Variants in IL18R1 observed in about 807,000 individuals in gnomAD.
The protein encoded by IL18R1 is interleukin-18 receptor 1.
Under a neutral mutation model 48.5 loss-of-function variants are expected in IL18R1, and 40 were observed. The ratio of observed to expected loss-of-function variants is 0.82; its 90% CI spans 0.64 to 1.07. IL18R1 has a LOEUF of 1.07. Ranked by LOEUF, IL18R1 falls within the 50% of genes least tolerant of loss-of-function variation. The pLI, the probability that IL18R1 is intolerant of heterozygous loss-of-function variation, is 0.00. For missense variants in IL18R1, 596 were observed against 633.7 expected (o/e 0.94, Z 0.64); for synonymous variants, 232 against 225.9 (o/e 1.03, Z -0.24).
intron 2 of IL18R1, among the ~76,000 whole-genome samples, chr2:102,363,078 TA>T (rs1559617205): frequency 6.6e-6 from 1 of 151,950 alleles, no homozygotes; most frequent in South Asian, 2.1e-4. Flanking sequence ...TTAGACAGCT[TA>T]AAAAAATTAG....
At chr2:102,367,322 C>T (rs1349610118) in intron 2 of IL18R1, among the ~76,000 whole-genome samples, 2 of 152,194 alleles carry the variant, frequency 1.3e-5, no homozygotes, top group Admixed American at 6.5e-5. Context: ...CATCCCCACA[C>T]TTACCAGGGA....
In IL18R1 at chr2:102,385,834, G is replaced by C. The variant is rs530832386; in HGVS notation, c.809+836G>C. On this transcript the variant is annotated intron_variant, in intron 7 of 10. Transcript: ENST00000233957. ...CATCCTCAGCCACTGGCCTCCATTT[G>C]AGTTTTGTATTTCTCCCTTTGGATA... Among the ~76,000 whole-genome samples, 4 of 152,280 alleles carry C rather than the reference G, an allele frequency of 2.6e-5. No individual in the cohort carries two copies. The South Asian group carries it at 8.3e-4, about 32-fold the overall frequency.
In IL18R1 at chr2:102,372,136, T is replaced by C. The variant is rs745445571; in HGVS notation, c.468+18T>C. 16 of 1,549,380 alleles carry C rather than the reference T, an allele frequency of 1.0e-5. No homozygotes were observed. The East Asian group carries it at 3.7e-4, about 36-fold the overall frequency. ...TGTATAAGGTAATGCTTTTATAATATTTTAACTTTAAGACTTGATGGAAAA... is the reference window on the plus strand; with the variant it reads ...TGTATAAGGTAATGCTTTTATAATACTTTAACTTTAAGACTTGATGGAAAA... On this transcript the variant is annotated intron_variant, in intron 4 of 10. Transcript: ENST00000233957.
intron 7 of IL18R1, among the ~76,000 whole-genome samples, chr2:102,385,244 A>G (rs974997616): frequency 6.6e-6 from 1 of 152,224 alleles, no homozygotes. Flanking sequence ...GGTATTTAGC[A>G]TCACCTTATA....
intron 8 of IL18R1, among the ~76,000 whole-genome samples, chr2:102,387,583 G>T (rs1680313787): frequency 1.3e-5 from 2 of 152,204 alleles, no homozygotes; most frequent in African/African-American, 4.8e-5. Flanking sequence ...ACAGCCCAGG[G>T]CCTTCAGCCC....
chr2:102,395,209 T>C (rs1680757256), intron 10 of IL18R1, among the ~76,000 whole-genome samples: 1 of 152,138 alleles, frequency 6.6e-6, no homozygotes, highest in Non-Finnish European at 1.5e-5. Context: ...GGAATACAAA[T>C]GGCCATAGTG....
intron 5 of IL18R1, among the ~76,000 whole-genome samples, chr2:102,380,941 G>T (rs1679883787): frequency 6.6e-6 from 1 of 152,296 alleles, no homozygotes; most frequent in South Asian, 2.1e-4. Context: ...CTGCTCTTAG[G>T]GTTTGCAGTT....
In IL18R1 at chr2:102,396,843, G is replaced by C; in HGVS notation, c.1583G>C (p.Gly528Ala). The C allele has an allele frequency of 6.2e-7, 1 of 1,605,610 alleles. No homozygotes were observed. Among genetic ancestry groups the C allele is most frequent in the Non-Finnish European group, 8.5e-7 (1 of 1,177,730 alleles). Residue 528 changes from glycine to alanine, a missense_variant, in exon 11 of 11, where the codon GGT becomes GCT. Coordinates refer to ENST00000233957, the MANE Select transcript of IL18R1 (RefSeq NM_003855.5). The stretch of plus-strand genomic sequence containing the variant: ...ATGCCTGCAAAAACAGTCAAGCCAG[G>C]TAGAGACGAACCGGAAGTCTTGCCT... ...YLMPAKTVKP[G>A]RDEPEVLPVL...
At chr2:102,383,802 T>C (rs1233689360) in intron 6 of IL18R1, among the ~76,000 whole-genome samples, 1 of 152,236 alleles carries the variant, frequency 6.6e-6, no homozygotes, top group African/African-American at 2.4e-5. Flanking sequence ...ATACAAATAT[T>C]CAATTTATTC....
At chr2:102,372,766 G>T (rs1418408506) in intron 4 of IL18R1, among the ~76,000 whole-genome samples, 1 of 151,930 alleles carries the variant, frequency 6.6e-6, no homozygotes, top group Non-Finnish European at 1.5e-5. Flanking sequence ...TAACCCCCTT[G>T]TTTCGTCTAA....
chr2:102,363,686 CA>C (rs11465571), intron 2 of IL18R1, among the ~76,000 whole-genome samples: 19,158 of 152,138 alleles, frequency 0.13, 1,516 homozygotes, highest in African/African-American at 0.21. Context: ...GCCAGTTGTG[CA>C]AAGTTGCCAA....
At chr2:102,377,401 G>A (rs1418442160) in intron 5 of IL18R1, among the ~76,000 whole-genome samples, 7 of 152,116 alleles carry the variant, frequency 4.6e-5, no homozygotes, top group African/African-American at 9.7e-5. Flanking sequence ...TGCAAGCTCC[G>A]CCTCCTGGGT....
At chr2:102,395,838 T>C (rs1680794442) in intron 10 of IL18R1, among the ~76,000 whole-genome samples, 1 of 152,216 alleles carries the variant, frequency 6.6e-6, no homozygotes. Flanking sequence ...ACGGGTTCCA[T>C]CACACCTGCA....
At chr2:102,363,319 G>T (rs935292507) in intron 2 of IL18R1, among the ~76,000 whole-genome samples, 2 of 151,918 alleles carry the variant, frequency 1.3e-5, no homozygotes, top group African/African-American at 2.4e-5. Context: ...AATTTGCCTT[G>T]ATCTATTATC....
Position 102,396,940 on chromosome 2 carries a change from A to C in IL18R1, c.*54A>C, listed in dbSNP as rs1680859098. 1 of 1,060,802 alleles carries C rather than the reference A, an allele frequency of 9.4e-7. No homozygotes were observed. The highest frequency in any genetic ancestry group is 1.5e-5 in the South Asian group (1 of 64,752). 65.7% of individuals were successfully genotyped at this position (1,060,802 alleles called of 1,614,324 possible). A position where few individuals can be genotyped will look rare whatever the true frequency, so the allele number is the denominator to read the frequency against. On this transcript the variant is annotated 3_prime_UTR_variant, in exon 11 of 11. Transcript: ENST00000233957. ...ACTCAAGATATTCTGGGGACTGAGC[A>C]TATGAACCTGTTCATAACAAAGGCT...
chr2:102,359,000 G>A (rs1175708229), intron 1 of IL18R1, among the ~76,000 whole-genome samples: 1 of 151,998 alleles, frequency 6.6e-6, no homozygotes, highest in Non-Finnish European at 1.5e-5. Flanking sequence ...GGAGGGTAGA[G>A]GAACATTGGT....
rs1234986011 is a variant in IL18R1 at position 102,366,689 on chromosome 2, G to T, written c.59-1136G>T. Reference sequence around the variant, plus strand: ...AGAAAGATTTAATGGACTCAGTTCTGCAGGGCTGGGGAGGCCTCAGGAAAC... The same window carrying T: ...AGAAAGATTTAATGGACTCAGTTCTTCAGGGCTGGGGAGGCCTCAGGAAAC... On this transcript the variant is annotated intron_variant, in intron 2 of 10. Coordinates refer to ENST00000233957, the MANE Select transcript of IL18R1 (RefSeq NM_003855.5). Among the ~76,000 whole-genome samples, 3 of 152,136 alleles carry T rather than the reference G, an allele frequency of 2.0e-5. No individual in the cohort carries two copies. In the South Asian group the frequency reaches 6.2e-4, roughly 32 times the overall value.
At chr2:102,386,628 A>G (rs932060667) in intron 7 of IL18R1, among the ~76,000 whole-genome samples, 1 of 152,212 alleles carries the variant, frequency 6.6e-6, no homozygotes, top group African/African-American at 2.4e-5. Context: ...TTTAAACTTC[A>G]GGTAATTGAC....
chr2:102,369,152 CA>C (rs1679090175), intron 3 of IL18R1, among the ~76,000 whole-genome samples: 1 of 148,754 alleles, frequency 6.7e-6, no homozygotes. Context: ...TGAATACTCA[CA>C]AATGGGGTAA....
Sources: allele counts gnomAD v4.1 joint callset (sites outside exome capture counted in the v4.1 genomes callset), GRCh38; gene constraint gnomAD v4.1.1; transcripts MANE v1.5; gene names NCBI Gene and HGNC (gene_info 2026-07-23, HGNC 2026-07-21).